The following NSD1 variants were observed in gnomAD, a reference collection of about 807,000 sequenced individuals.
NSD1 encodes the protein histone-lysine N-methyltransferase, H3 lysine-36 specific.
Under a neutral mutation model 242.7 loss-of-function variants are expected in NSD1, and 26 were observed. The ratio of observed to expected loss-of-function variants is 0.11; its 90% CI spans 0.08 to 0.15. NSD1 has a LOEUF of 0.15. Among genes scored for constraint, NSD1 ranks in the 10% least tolerant of loss-of-function variants. The probability of loss-of-function intolerance (pLI) is 1.00; values close to 1 mark genes in which losing one functional copy is unlikely to be tolerated. For synonymous variants in NSD1, 1,106 were observed against 1,178.1 expected, an observed-to-expected ratio of 0.94 and a Z score of 1.25; for missense variants, 2,495 against 3,272.8, an observed-to-expected ratio of 0.76 and a Z score of 5.80.
chr5:177,203,136 G>A (rs1762627621), intron 3 of NSD1, among the ~76,000 whole-genome samples: 1 of 152,116 alleles, frequency 6.6e-6, no homozygotes, highest in Non-Finnish European at 1.5e-5. Context: ...AAGGGAACTA[G>A]ATGTGAGTTA....
At chr5:177,185,469 G>C (rs1378085282) in intron 2 of NSD1, among the ~76,000 whole-genome samples, 1 of 150,884 alleles carries the variant, frequency 6.6e-6, no homozygotes, top group South Asian at 2.1e-4. Flanking sequence ...ATGGTGGCAG[G>C]CGCCTGTAAT....
chr5:177,271,938 A>G (rs1464860924), intron 16 of NSD1, among the ~76,000 whole-genome samples: 3 of 152,086 alleles, frequency 2.0e-5, no homozygotes, highest in Non-Finnish European at 4.4e-5. Context: ...CCTAGCCAAC[A>G]CATTGAAACC....
chr5:177,193,063 A>T (rs1224373063), intron 3 of NSD1, among the ~76,000 whole-genome samples: 1 of 152,050 alleles, frequency 6.6e-6, no homozygotes, highest in Non-Finnish European at 1.5e-5. Context: ...TTTGTTTTTC[A>T]GTTGATTGTT....
Position 177,135,980 on chromosome 5 carries a change from C to A in NSD1, c.877C>A (p.Leu293Ile). ...DSSTSTLGNM[L>I]ELPGTSSSST... ...CAGTACCAGTACATTAGGAAACATG[C>A]TAGAATTACCTGGAACTTCATCATC... The change falls in exon 2 of 23, where the codon CTA becomes ATA. Residue 293 changes from leucine (L) to isoleucine (I), a missense_variant. Leu to Ile is a conservative substitution (Grantham distance 5). Around this residue, in one of 19 missense-constraint regions of NSD1, gnomAD observed 376 missense variants for 367.4 expected, o/e 1.02. Transcript: ENST00000439151. 6.2e-7 allele frequency: 1 copy of A among 1,614,058 alleles called. No individual in the cohort carries two copies. Among genetic ancestry groups the A allele is most frequent in the Admixed American group, 1.7e-5 (1 of 60,014 alleles).
At chr5:177,237,002 A>G (rs1403293537) in intron 6 of NSD1, among the ~76,000 whole-genome samples, 1 of 152,082 alleles carries the variant, frequency 6.6e-6, no homozygotes. Flanking sequence ...ACACCTGGCT[A>G]ATTTTTGACA....
chr5:177,164,149 C>CTTTTTTTTTTTTTTTTT (rs56076836), intron 2 of NSD1, among the ~76,000 whole-genome samples: 5 of 138,394 alleles, frequency 3.6e-5, no homozygotes, highest in Non-Finnish European at 6.1e-5. Context: ...AAAATGTAAC[C>CTTTTTTTTTTTTTTTTT]TTTTTTTTTT....
At chr5:177,140,040 T>G (rs1756682716) in intron 2 of NSD1, among the ~76,000 whole-genome samples, 1 of 152,126 alleles carries the variant, frequency 6.6e-6, no homozygotes, top group Non-Finnish European at 1.5e-5. Flanking sequence ...AAGGGTCATA[T>G]TTTCTGTTAT....
chr5:177,273,584 C>T, intron 16 of NSD1, 88 bp from the exon 17 acceptor site: 1 of 1,053,474 alleles, frequency 9.5e-7, no homozygotes, highest in South Asian at 1.3e-5. Flanking sequence ...GTTTCTCCAA[C>T]TTAAAGGGGA....
chr5:177,277,076 A>G (rs1758454569), intron 17 of NSD1, among the ~76,000 whole-genome samples: 1 of 152,058 alleles, frequency 6.6e-6, no homozygotes, highest in Non-Finnish European at 1.5e-5. Flanking sequence ...CTGAGAGAGC[A>G]GTTTCCTGTG....
intron 9 of NSD1, 31 bp downstream of exon 9, chr5:177,244,301 T>C: frequency 6.7e-7 from 1 of 1,482,802 alleles, no homozygotes; most frequent in Non-Finnish European, 9.4e-7. Flanking sequence ...AAAAACGTAA[T>C]GCAGTAGTAA....
At chr5:177,181,568 GGT>G (rs1369400779) in intron 2 of NSD1, among the ~76,000 whole-genome samples, 1 of 151,452 alleles carries the variant, frequency 6.6e-6, no homozygotes, top group Non-Finnish European at 1.5e-5. Flanking sequence ...TGGGATTACA[GGT>G]GCCTGCCAGT....
intron 5 of NSD1, chr5:177,229,771 T>G (rs1481435005): frequency 1.2e-5 from 5 of 405,458 alleles, no homozygotes; most frequent in Non-Finnish European, 2.4e-5. Flanking sequence ...TGAGGTGGAG[T>G]CTTGCTCTGT....
At chr5:177,206,749 G>A (rs774308540) in intron 4 of NSD1, among the ~76,000 whole-genome samples, 4 of 151,854 alleles carry the variant, frequency 2.6e-5, no homozygotes, top group Non-Finnish European at 4.4e-5. Flanking sequence ...CTTTAGGTAC[G>A]TAGAGTTACC....
chr5:177,291,860 A>G, intron 21 of NSD1, 94 bp from the exon 22 acceptor site: 1 of 1,142,860 alleles, frequency 8.7e-7, no homozygotes, highest in Non-Finnish European at 1.3e-6. Context: ...CTTTTCCCAG[A>G]GAAGAGAATG....
In NSD1 at chr5:177,158,293, C is replaced by CTTTCCTTTTCT. The variant is rs1758348647; in HGVS notation, c.927+22267_927+22268insCTTTTCTTTTC. 5.4e-4 allele frequency among the ~76,000 whole-genome samples: 42 copies of CTTTCCTTTTCT among 77,746 alleles called. 2 individuals carry two copies. Among genetic ancestry groups the CTTTCCTTTTCT allele is most frequent in the African/African-American group, 1.9e-3 (40 of 21,520 alleles). 51.0% of individuals were successfully genotyped at this position (77,746 alleles called of 152,430 possible). On this transcript the variant is annotated intron_variant, in intron 2 of 22. Transcript: ENST00000439151. ...TCTTTCTTTCTTTCTTTCTTTCTTT[C>CTTTCCTTTTCT]TTTCTTTCTTTTCTTTCTTTTCTTT...
At chr5:177,176,623 A>G (rs2149804178) in intron 2 of NSD1, among the ~76,000 whole-genome samples, 1 of 152,170 alleles carries the variant, frequency 6.6e-6, no homozygotes, top group East Asian at 1.9e-4. Flanking sequence ...GATGTTTATA[A>G]CTGTATAATT....
chr5:177,235,727 C>G, intron 5 of NSD1, 94 bp from the exon 6 acceptor site: 1 of 1,523,008 alleles, frequency 6.6e-7, no homozygotes, highest in South Asian at 1.2e-5. Flanking sequence ...GGTTTCCCAT[C>G]TGGTTACTTT....
At chr5:177,149,523 G>A (rs1338659851) in intron 2 of NSD1, among the ~76,000 whole-genome samples, 2 of 152,088 alleles carry the variant, frequency 1.3e-5, no homozygotes, top group African/African-American at 4.8e-5. Flanking sequence ...TCCATGCAGA[G>A]AGAGTTTTTT....
intron 5 of NSD1, among the ~76,000 whole-genome samples, chr5:177,222,028 C>T (rs1764278684): frequency 6.6e-6 from 1 of 152,134 alleles, no homozygotes; most frequent in Non-Finnish European, 1.5e-5. Flanking sequence ...CCAGGCTAGT[C>T]TCGAACTCCT....
Sources: gnomAD v4.1 joint callset for allele counts (sites outside exome capture counted in the v4.1 genomes callset) on GRCh38, gnomAD v4.1.1 for gene constraint, gnomAD v4.1.1 regional missense constraint, MANE v1.5 for transcripts, NCBI Gene and HGNC (gene_info 2026-07-23, HGNC 2026-07-21) for gene names.